The following HMGN5 variants were observed in gnomAD, a reference collection of about 807,000 sequenced individuals.
The protein encoded by HMGN5 is high mobility group nucleosome-binding domain-containing protein 5.
A neutral mutation model predicts 9.5 loss-of-function variants in HMGN5; 4 were observed. The ratio of observed to expected loss-of-function variants is 0.42; its 90% CI spans 0.21 to 0.96. The LOEUF is 0.96. HMGN5 is among the 40% of genes least tolerant of loss of function. HMGN5 has a pLI of 0.30. For synonymous variants in HMGN5, 55 were observed against 57.1 expected, an observed-to-expected ratio of 0.96 and a Z score of 0.16; for missense variants, 192 against 187.5, an observed-to-expected ratio of 1.02 and a Z score of -0.14.
chrX:81,153,854 T>C (rs2075375890), intron 1 of HMGN5, among the ~76,000 whole-genome samples: 1 of 103,718 alleles, frequency 9.6e-6, no homozygotes, highest in Non-Finnish European at 2.0e-5. Context: ...TAATGAAAAC[T>C]ATAAAACAAG....
intron 1 of HMGN5, among the ~76,000 whole-genome samples, chrX:81,154,779 A>G (rs2075378239): frequency 9.0e-6 from 1 of 110,865 alleles, no homozygotes; most frequent in Non-Finnish European, 1.9e-5. Context: ...GCTCAACATC[A>G]TTGATTATCA....
intron 1 of HMGN5, among the ~76,000 whole-genome samples, chrX:81,199,568 A>G (rs765942092): frequency 8.9e-6 from 1 of 111,945 alleles, no homozygotes; most frequent in African/African-American, 3.2e-5. Flanking sequence ...TCTCAGAAAT[A>G]ACACCACACA....
intron 1 of HMGN5, among the ~76,000 whole-genome samples, chrX:81,177,783 A>G (rs1357567921): frequency 9.0e-6 from 1 of 111,710 alleles, no homozygotes; most frequent in Non-Finnish European, 1.9e-5. Flanking sequence ...ACCACATCAC[A>G]CTTATTCCAA....
At chrX:81,172,845 T>G (rs2075430326) in intron 1 of HMGN5, among the ~76,000 whole-genome samples, 2 of 110,705 alleles carry the variant, frequency 1.8e-5, no homozygotes, top group Non-Finnish European at 3.8e-5. Flanking sequence ...ATATGAAAAA[T>G]ACTCAACCTT....
At chrX:81,161,799 A>T (rs2075398226) in intron 1 of HMGN5, among the ~76,000 whole-genome samples, 1 of 111,324 alleles carries the variant, frequency 9.0e-6, no homozygotes, top group Non-Finnish European at 1.9e-5. Context: ...AGTAAACTTG[A>T]TGAACTAGCT....
chrX:81,186,323 C>A (rs1220559055), intron 1 of HMGN5, among the ~76,000 whole-genome samples: 2 of 111,844 alleles, frequency 1.8e-5, no homozygotes, highest in African/African-American at 3.2e-5. Flanking sequence ...TTGGATTTAT[C>A]CATGGTTCAA....
Position 81,139,502 on chromosome X carries a change from GA to G in HMGN5, c.-123-17831del, listed in dbSNP as rs370531388. Among the ~76,000 whole-genome samples, 927 of 104,141 alleles carry G rather than the reference GA, an allele frequency of 8.9e-3. 11 individuals are homozygous for G. The highest frequency in any genetic ancestry group is 0.029 in the African/African-American group (829 of 28,854). The allele number at this position is 104,141 out of a possible 115,157, so 90.4% of individuals were successfully genotyped here. A position where few individuals can be genotyped will look rare whatever the true frequency, so the allele number is the denominator to read the frequency against. ...CAGTAATTTAACAACTATCTACACAGAAAAAAAAAAACATCTTCATAAGAAG... is the reference window on the plus strand; with the variant it reads ...CAGTAATTTAACAACTATCTACACAGAAAAAAAAAACATCTTCATAAGAAG... On this transcript the variant is annotated intron_variant, in intron 1 of 6. Transcript: ENST00000358130.
chrX:81,177,872 C>A (rs748269771), intron 1 of HMGN5, among the ~76,000 whole-genome samples: 1 of 112,124 alleles, frequency 8.9e-6, no homozygotes, highest in South Asian at 3.7e-4. Context: ...GTCTCTCAGA[C>A]CACAGTGCAA....
In HMGN5 at chrX:81,116,256, A is replaced by G; in HGVS notation, c.215T>C (p.Val72Ala). 1 of 1,198,172 alleles carries G rather than the reference A, an allele frequency of 8.3e-7. No homozygotes were observed. The change falls in exon 6 of 7, where the codon GTT becomes GCT. Residue 72 changes from valine (V) to alanine (A), a missense_variant. By Grantham distance (64) the Val-to-Ala change is moderately conservative. Coordinates refer to ENST00000358130, the MANE Select transcript of HMGN5 (RefSeq NM_030763.3). ...AGCATTTTCATTGTAGTCTTCTTCA[A>G]CAACTGCTTCTTGCTTGGTTTCAGC... Reference protein sequence around the residue: ...AVAETKQEAVVEEDYNENAKN... With the variant: ...AVAETKQEAVAEEDYNENAKN...
At position 81,114,601 on chromosome X, in the gene HMGN5, C is replaced by A. The variant is rs978918323; in HGVS notation, c.*48G>T. ...AAAATATTTATCTCTATTAACTTTA[C>A]AACATGAAGGTACATGTTACCAAAT... On this transcript the variant is annotated 3_prime_UTR_variant, in exon 7 of 7. Coordinates refer to ENST00000358130, the MANE Select transcript of HMGN5 (RefSeq NM_030763.3). 1.6e-5 allele frequency: 16 copies of A among 1,014,154 alleles called. No homozygotes were observed. The highest frequency in any genetic ancestry group is 5.4e-4 in the Middle Eastern group (2 of 3,718). The allele number at this position is 1,014,154 out of a possible 1,213,427, so 83.6% of individuals were successfully genotyped here. A position where few individuals can be genotyped will look rare whatever the true frequency, so the allele number is the denominator to read the frequency against.
rs187226902 is a variant in HMGN5 at position 81,144,579 on chromosome X, A to G, written c.-123-22907T>C. 1.7e-3 allele frequency among the ~76,000 whole-genome samples: 186 copies of G among 111,979 alleles called. 1 individual carries two copies. Among genetic ancestry groups the G allele is most frequent in the African/African-American group, 5.5e-3 (171 of 30,832 alleles). ...AAAAAGGTTGAAAATTTCAAAACGCAGAACACCTCTCCTCCTCCAAAGGCA... is the reference window on the plus strand; with the variant it reads ...AAAAAGGTTGAAAATTTCAAAACGCGGAACACCTCTCCTCCTCCAAAGGCA... On this transcript the variant is annotated intron_variant, in intron 1 of 6. Coordinates refer to ENST00000358130, the MANE Select transcript of HMGN5 (RefSeq NM_030763.3).
chrX:81,120,325 A>G (rs2075265268), intron 2 of HMGN5, among the ~76,000 whole-genome samples: 1 of 111,259 alleles, frequency 9.0e-6, no homozygotes, highest in African/African-American at 3.3e-5. Flanking sequence ...TACAAAGTCA[A>G]TGCTTTATTC....
intron 1 of HMGN5, among the ~76,000 whole-genome samples, chrX:81,141,158 G>C (rs1265334488): frequency 1.8e-5 from 2 of 111,545 alleles, no homozygotes; most frequent in African/African-American, 6.5e-5. Context: ...TAGAATACCA[G>C]GTAGGCTTCC....
intron 1 of HMGN5, among the ~76,000 whole-genome samples, chrX:81,154,358 C>T (rs1346235222): frequency 9.0e-6 from 1 of 111,062 alleles, no homozygotes; most frequent in Non-Finnish European, 1.9e-5. Flanking sequence ...ATACAAAAAT[C>T]AAATCAAAAT....
chrX:81,118,439 C>T lies in HMGN5; in HGVS notation c.122G>A (p.Ser41Asn), dbSNP rs748555030. ...TPEVKPKRTS[S>N]SRKMKTKSDM... ...TCTACGTTGAATATTTACCCTTGAA[C>T]TTGATGTTCTTTTAGGCTTCACCTC... is the stretch of plus-strand genomic sequence containing the variant. The change falls in exon 5 of 7, where the codon AGT (serine) becomes AAT (asparagine). Residue 41 changes from serine to asparagine, a missense_variant. Transcript: ENST00000358130. 1.7e-6 allele frequency: 2 copies of T among 1,157,818 alleles called. No homozygotes were observed. Among genetic ancestry groups the T allele is most frequent in the South Asian group, 3.9e-5 (2 of 51,243 alleles).
intron 1 of HMGN5, among the ~76,000 whole-genome samples, chrX:81,158,838 T>C (rs1474497703): frequency 8.9e-6 from 1 of 111,865 alleles, no homozygotes; most frequent in African/African-American, 3.3e-5. Flanking sequence ...AGTTAATTTT[T>C]GTATAATGTG....
chrX:81,155,883 G>C (rs1229096689), intron 1 of HMGN5, among the ~76,000 whole-genome samples: 1 of 111,033 alleles, frequency 9.0e-6, no homozygotes, highest in Non-Finnish European at 1.9e-5. Flanking sequence ...AAATTTCTTA[G>C]AACTTAACAC....
intron 1 of HMGN5, among the ~76,000 whole-genome samples, chrX:81,175,305 G>A (rs1213132622): frequency 9.1e-6 from 1 of 109,991 alleles, no homozygotes; most frequent in Admixed American, 9.7e-5. Context: ...ATGGGAAACA[G>A]GTATTTAGCA....
At chrX:81,185,428 C>A (rs2075474693) in intron 1 of HMGN5, among the ~76,000 whole-genome samples, 1 of 111,342 alleles carries the variant, frequency 9.0e-6, no homozygotes, top group Admixed American at 9.6e-5. Flanking sequence ...TTTCTGTTGC[C>A]ATATGGAAAT....
Sources: allele counts gnomAD v4.1 joint callset (sites outside exome capture counted in the v4.1 genomes callset), GRCh38; gene constraint gnomAD v4.1.1; transcripts MANE v1.5; gene names NCBI Gene and HGNC (gene_info 2026-07-23, HGNC 2026-07-21).